ATRNL1: variants seen among roughly 807,000 people sequenced by gnomAD.
ATRNL1 encodes attractin like 1, also known as attractin-like protein 1.
In ATRNL1, 95 loss-of-function variants were observed where a neutral mutation model predicts 182.7. The observed-to-expected ratio is 0.52, with a 90% CI of 0.44 to 0.62. ATRNL1 has a LOEUF of 0.62. Ranked by LOEUF, ATRNL1 falls within the 20% of genes least tolerant of loss-of-function variation. ATRNL1 has a pLI of 0.00. For synonymous variants in ATRNL1, 576 were observed against 568.3 expected (o/e 1.01, Z -0.19); for missense variants, 1,471 against 1,679.5 (o/e 0.88, Z 2.17).
chr10:115,156,015 G>T (rs952786377), intron 5 of ATRNL1, among the ~76,000 whole-genome samples: 3 of 152,038 alleles, frequency 2.0e-5, no homozygotes, highest in African/African-American at 7.2e-5. Flanking sequence ...GTGGCCATTG[G>T]ACTAGAGTAA....
chr10:115,664,204 C>G (rs1200539633), intron 26 of ATRNL1, among the ~76,000 whole-genome samples: 1 of 152,176 alleles, frequency 6.6e-6, no homozygotes, highest in Non-Finnish European at 1.5e-5. Flanking sequence ...CTATACCAAT[C>G]TGTAGGAAGC....
chr10:115,930,164 C>A (rs1447634628), intron 28 of ATRNL1, among the ~76,000 whole-genome samples: 1 of 152,054 alleles, frequency 6.6e-6, no homozygotes, highest in Non-Finnish European at 1.5e-5. Context: ...ACATTGTATG[C>A]CTTGTTTATT....
intron 26 of ATRNL1, among the ~76,000 whole-genome samples, chr10:115,608,651 A>G (rs11197350): frequency 0.011 from 1,656 of 152,188 alleles, 28 homozygotes; most frequent in African/African-American, 0.038. Context: ...AATACATAAT[A>G]TATCAAGAAT....
chr10:115,731,668 T>C (rs114645126), intron 27 of ATRNL1, among the ~76,000 whole-genome samples: 6,236 of 149,552 alleles, frequency 0.042, 432 homozygotes, highest in African/African-American at 0.14. Flanking sequence ...AATGTTCTAA[T>C]ATTTAATATA....
intron 26 of ATRNL1, among the ~76,000 whole-genome samples, chr10:115,675,903 A>C (rs1456037373): frequency 6.6e-6 from 1 of 152,100 alleles, no homozygotes; most frequent in African/African-American, 2.4e-5. Context: ...AGAAAACAGT[A>C]AGTCGAGATC....
intron 27 of ATRNL1, among the ~76,000 whole-genome samples, chr10:115,775,863 CAGG>C (rs1219754471): frequency 6.7e-6 from 1 of 149,350 alleles, no homozygotes; most frequent in Non-Finnish European, 1.5e-5. Flanking sequence ...GAGGCTGAGG[CAGG>C]AGAATTGCTT....
At chr10:115,678,819 AAGTTT>A (rs1274382122) in intron 26 of ATRNL1, among the ~76,000 whole-genome samples, 4 of 152,104 alleles carry the variant, frequency 2.6e-5, no homozygotes, top group Non-Finnish European at 5.9e-5. Context: ...CAGCTGGCTC[AAGTTT>A]AGAAATCTGG....
rs544828765 is a variant in ATRNL1, at chr10:115,216,765, G to T, written c.1532+885G>T. 1.7e-3 allele frequency among the ~76,000 whole-genome samples: 265 copies of T among 151,610 alleles called. 1 individual carries two copies. Among genetic ancestry groups the T allele is most frequent in the Non-Finnish European group, 3.2e-3 (215 of 67,890 alleles). On this transcript the variant is annotated intron_variant, in intron 9 of 28. Transcript: ENST00000355044. Reference sequence around the variant, plus strand: ...TTATGTGATCAAAGGAAATACACAGGTTTCCATCAAATCATGATTTGTTCT... The same window carrying T: ...TTATGTGATCAAAGGAAATACACAGTTTTCCATCAAATCATGATTTGTTCT...
intron 26 of ATRNL1, among the ~76,000 whole-genome samples, chr10:115,635,793 A>G (rs1367106736): frequency 6.6e-6 from 1 of 152,204 alleles, no homozygotes. Context: ...TCTCACAATC[A>G]GACACTGTAC....
chr10:115,406,742 A>G (rs1249291713), intron 20 of ATRNL1, among the ~76,000 whole-genome samples: 1 of 152,030 alleles, frequency 6.6e-6, no homozygotes, highest in African/African-American at 2.4e-5. Flanking sequence ...ATTTTTAGTA[A>G]TATTTTATAC....
At chr10:115,790,246 A>C (rs1949496524) in intron 27 of ATRNL1, among the ~76,000 whole-genome samples, 1 of 92,230 alleles carries the variant, frequency 1.1e-5, no homozygotes, top group South Asian at 3.7e-4. Context: ...CAGCCTTGTT[A>C]GTTTAAAAAG....
chr10:115,136,862 G>T (rs1250063995), intron 5 of ATRNL1, among the ~76,000 whole-genome samples: 1 of 152,264 alleles, frequency 6.6e-6, no homozygotes, highest in African/African-American at 2.4e-5. Context: ...CATCTTGGTT[G>T]CTTCTGTAAA....
intron 12 of ATRNL1, among the ~76,000 whole-genome samples, 187 bp from the exon 13 acceptor site, chr10:115,268,139 C>T (rs1219134961): frequency 6.6e-6 from 1 of 152,058 alleles, no homozygotes; most frequent in African/African-American, 2.4e-5. Context: ...TCTCGAAAAT[C>T]CTGTAAACAC....
rs118021887 is a variant in ATRNL1, at chr10:115,688,776, T to A, written c.3796-38472T>A. Among the ~76,000 whole-genome samples the A allele has an allele frequency of 6.4e-3, 981 of 152,288 alleles. 36 individuals carry two copies. The East Asian group carries it at 0.095, about 15-fold the overall frequency. On this transcript the variant is annotated intron_variant, in intron 26 of 28. Transcript: ENST00000355044. ...TCAGGGGGTGGTCTATTCACTCTGCTGATGGTTTCCTTTGCTGTGGAGAAA... is the reference window on the plus strand; with the variant it reads ...TCAGGGGGTGGTCTATTCACTCTGCAGATGGTTTCCTTTGCTGTGGAGAAA...
At chr10:115,339,473 A>G (rs1554937667) in intron 19 of ATRNL1, among the ~76,000 whole-genome samples, 1 of 152,100 alleles carries the variant, frequency 6.6e-6, no homozygotes, top group Non-Finnish European at 1.5e-5. Context: ...TGTGGCTATT[A>G]TAAATGGGAT....
rs553752714 is a variant in ATRNL1 at position 115,633,152 on chromosome 10, C to A, written c.3795+83616C>A. 5.3e-5 allele frequency among the ~76,000 whole-genome samples: 8 copies of A among 152,250 alleles called. No homozygotes were observed. In the East Asian group the frequency reaches 1.5e-3, roughly 29 times the overall value. On this transcript the variant is annotated intron_variant, in intron 26 of 28. Coordinates refer to ENST00000355044, the MANE Select transcript of ATRNL1 (RefSeq NM_207303.4). ...CCTCGAACTCCTCACCTCAAGTGAT[C>A]CTCCCGCCTCGGCCACCCAAAGTGC...
chr10:115,135,354 CAT>C (rs1845455924), intron 5 of ATRNL1, among the ~76,000 whole-genome samples: 1 of 152,178 alleles, frequency 6.6e-6, no homozygotes, highest in Non-Finnish European at 1.5e-5. Context: ...GATACAAAAT[CAT>C]GTGCAAAAAT....
intron 27 of ATRNL1, among the ~76,000 whole-genome samples, chr10:115,728,955 G>A (rs1483400852): frequency 6.6e-6 from 1 of 151,980 alleles, no homozygotes; most frequent in Non-Finnish European, 1.5e-5. Context: ...ACTATTTTTG[G>A]ACTATTATAA....
rs137861675 is a variant in ATRNL1, at chr10:115,754,475, A to G, written c.3903+27120A>G. On this transcript the variant is annotated intron_variant, in intron 27 of 28. Coordinates refer to ENST00000355044, the MANE Select transcript of ATRNL1 (RefSeq NM_207303.4). ...TTTTGTCAGATTTGTCAGTGATCCA[A>G]TGGTTGTAGATGTGTGGTGTTATTT... 7.6e-3 allele frequency among the ~76,000 whole-genome samples: 1,152 copies of G among 152,178 alleles called. 17 individuals carry two copies. The highest frequency in any genetic ancestry group is 0.027 in the African/African-American group (1,104 of 41,510).
Sources: gnomAD v4.1 joint callset for allele counts (sites outside exome capture counted in the v4.1 genomes callset) on GRCh38, gnomAD v4.1.1 for gene constraint, MANE v1.5 for transcripts, NCBI Gene and HGNC (gene_info 2026-07-23, HGNC 2026-07-21) for gene names.